FNIP1: variants seen among roughly 807,000 people sequenced by gnomAD.
The protein encoded by FNIP1 is folliculin-interacting protein 1.
FNIP1 carries 40 observed loss-of-function variants against 124.5 expected under a neutral mutation model. The ratio of observed to expected loss-of-function variants is 0.32; its 90% CI spans 0.25 to 0.42. The LOEUF (loss-of-function observed/expected upper bound fraction) is 0.42, where lower values mean the gene tolerates loss of function less well. Among genes scored for constraint, FNIP1 ranks in the 10% least tolerant of loss-of-function variants. The pLI, the probability that FNIP1 is intolerant of heterozygous loss-of-function variation, is 1.00. For missense variants in FNIP1, 1,176 were observed against 1,403.7 expected (o/e 0.84, Z 2.59); for synonymous variants, 472 against 470.6 (o/e 1.00, Z -0.04).
chr5:131,719,096 A>G (rs1769568405), intron 4 of FNIP1, 36 bp from the exon 5 acceptor site: 3 of 1,565,354 alleles, frequency 1.9e-6, no homozygotes, highest in Non-Finnish European at 2.6e-6. Context: ...GACCAAAACT[A>G]AAATATAATG....
chr5:131,684,684 T>C (rs1164577047), intron 11 of FNIP1, among the ~76,000 whole-genome samples: 1 of 152,124 alleles, frequency 6.6e-6, no homozygotes, highest in African/African-American at 2.4e-5. Flanking sequence ...AATAAAAAAG[T>C]CTTTTAAAAT....
At chr5:131,685,388 A>C (rs1768237731) in intron 11 of FNIP1, among the ~76,000 whole-genome samples, 1 of 152,040 alleles carries the variant, frequency 6.6e-6, no homozygotes. Context: ...TATTCATTGC[A>C]CATTTCTTTT....
intron 2 of FNIP1, among the ~76,000 whole-genome samples, chr5:131,734,053 C>A (rs1208995561): frequency 6.6e-6 from 1 of 152,068 alleles, no homozygotes. Context: ...CTGGTTTAGT[C>A]TTGGGAGGAT....
chr5:131,689,521 T>C (rs1350639991), intron 11 of FNIP1, among the ~76,000 whole-genome samples: 3 of 152,200 alleles, frequency 2.0e-5, no homozygotes, highest in Non-Finnish European at 4.4e-5. Context: ...AGCAATGTTA[T>C]AAGGGATGTG....
intron 1 of FNIP1, among the ~76,000 whole-genome samples, chr5:131,770,003 C>G (rs1222935955): frequency 1.3e-5 from 2 of 152,308 alleles, no homozygotes; most frequent in Admixed American, 1.3e-4. Flanking sequence ...CAACCAATGG[C>G]TTAGAACCCA....
chr5:131,743,904 A>G (rs761667000), intron 2 of FNIP1, among the ~76,000 whole-genome samples: 1 of 152,192 alleles, frequency 6.6e-6, no homozygotes, highest in Non-Finnish European at 1.5e-5. Flanking sequence ...GGAAAAAGTA[A>G]AGAAAAATTA....
intron 1 of FNIP1, among the ~76,000 whole-genome samples, chr5:131,760,755 A>G (rs1489805498): frequency 6.6e-6 from 1 of 152,132 alleles, no homozygotes; most frequent in Non-Finnish European, 1.5e-5. Flanking sequence ...ATGCTCCTAC[A>G]TGGAATAGAA....
intron 15 of FNIP1, among the ~76,000 whole-genome samples, chr5:131,660,089 G>A (rs746085989): frequency 3.9e-5 from 6 of 152,158 alleles, no homozygotes; most frequent in Admixed American, 1.3e-4. Flanking sequence ...CATTGTCGAC[G>A]ACAAGCACAG....
intron 2 of FNIP1, among the ~76,000 whole-genome samples, chr5:131,735,480 T>TATATGTATATATACGTATAAA (rs1324459010): frequency 6.7e-5 from 10 of 148,922 alleles, no homozygotes; most frequent in Admixed American, 4.7e-4. Context: ...CACATACGTA[T>TATATGTATATATACGTATAAA]ATATGTATAT....
chr5:131,692,887 A>G (rs1346630539), intron 11 of FNIP1, among the ~76,000 whole-genome samples: 2 of 152,028 alleles, frequency 1.3e-5, no homozygotes, highest in African/African-American at 2.4e-5. Flanking sequence ...ACACACCTGT[A>G]GTCCCAGCAA....
chr5:131,733,980 G>A (rs1407452177), intron 2 of FNIP1, among the ~76,000 whole-genome samples: 1 of 152,086 alleles, frequency 6.6e-6, no homozygotes, highest in Non-Finnish European at 1.5e-5. Flanking sequence ...TGATTGGTAA[G>A]CTATTAATTA....
intron 1 of FNIP1, among the ~76,000 whole-genome samples, chr5:131,758,736 ACTTTC>A (rs1771130037): frequency 6.6e-6 from 1 of 152,154 alleles, no homozygotes; most frequent in Non-Finnish European, 1.5e-5. Context: ...TGGAATAGAC[ACTTTC>A]CTTTACACAC....
chr5:131,685,822 CTGTAGA>C (rs2149521849), intron 11 of FNIP1, among the ~76,000 whole-genome samples: 1 of 151,668 alleles, frequency 6.6e-6, no homozygotes, highest in African/African-American at 2.4e-5. Context: ...AAAATTCCAA[CTGTAGA>C]TTAAATTTAG....
At chr5:131,648,173 TAAAAA>T (rs577945348) in intron 16 of FNIP1, among the ~76,000 whole-genome samples, 2 of 113,358 alleles carry the variant, frequency 1.8e-5, no homozygotes, top group Non-Finnish European at 3.4e-5. Flanking sequence ...CTACAAAAAT[TAAAAA>T]AAAAAAAAAA....
chr5:131,737,586 T>G (rs1461328425), intron 2 of FNIP1, among the ~76,000 whole-genome samples: 2 of 152,188 alleles, frequency 1.3e-5, no homozygotes. Context: ...AATGAAGTCC[T>G]TTCATGGCAA....
At chr5:131,678,351 C>T (rs944091604) in intron 12 of FNIP1, among the ~76,000 whole-genome samples, 3 of 152,074 alleles carry the variant, frequency 2.0e-5, no homozygotes, top group Middle Eastern at 3.2e-3. Context: ...TAATACAATA[C>T]GATAAAACAT....
At chr5:131,665,051 T>C (rs1015252372) in intron 15 of FNIP1, among the ~76,000 whole-genome samples, 3 of 152,098 alleles carry the variant, frequency 2.0e-5, no homozygotes, top group Non-Finnish European at 4.4e-5. Flanking sequence ...ATATATATGA[T>C]ATATAAATAC....
chr5:131,709,859 T>A (rs934064101), intron 7 of FNIP1, among the ~76,000 whole-genome samples: 1 of 152,142 alleles, frequency 6.6e-6, no homozygotes. Flanking sequence ...GGAAAGAAAA[T>A]ATTAATCAAA....
chr5:131,743,024 G>C (rs944488872), intron 2 of FNIP1, among the ~76,000 whole-genome samples: 9 of 152,218 alleles, frequency 5.9e-5, no homozygotes, highest in African/African-American at 1.9e-4. Context: ...TTTTTTCCCA[G>C]TCTAGTAACA....
Sources: gnomAD v4.1 joint callset for allele counts (sites outside exome capture counted in the v4.1 genomes callset) on GRCh38, gnomAD v4.1.1 for gene constraint, MANE v1.5 for transcripts, NCBI Gene and HGNC (gene_info 2026-07-23, HGNC 2026-07-21) for gene names.